The following WDR44 variants were observed in gnomAD, a reference collection of about 807,000 sequenced individuals.
WDR44 encodes WD repeat-containing protein 44.
Under a neutral mutation model 65.7 loss-of-function variants are expected in WDR44, and 9 were observed. The ratio of observed to expected loss-of-function variants is 0.14; its 90% CI spans 0.08 to 0.24. WDR44 has a LOEUF of 0.24. Ranked by LOEUF, WDR44 falls within the 10% of genes least tolerant of loss-of-function variation. WDR44 has a pLI of 1.00. For missense variants in WDR44, 425 were observed against 670.9 expected, an observed-to-expected ratio of 0.63 and a Z score of 4.05; for synonymous variants, 220 against 235.2, an observed-to-expected ratio of 0.94 and a Z score of 0.59.
At chrX:118,399,806 G>A (rs1465292354) in intron 8 of WDR44, among the ~76,000 whole-genome samples, 1 of 111,743 alleles carries the variant, frequency 8.9e-6, no homozygotes, top group East Asian at 2.8e-4. Flanking sequence ...CATAATATAG[G>A]TGGGTGCAGT....
intron 1 of WDR44, among the ~76,000 whole-genome samples, chrX:118,370,832 C>A (rs1256881352): frequency 9.1e-6 from 1 of 109,931 alleles, no homozygotes; most frequent in Non-Finnish European, 1.9e-5. Context: ...TCCACCCGCC[C>A]CATCCTCCCA....
At chrX:118,387,092 G>A (rs1217670078) in intron 2 of WDR44, among the ~76,000 whole-genome samples, 3 of 102,962 alleles carry the variant, frequency 2.9e-5, no homozygotes, top group African/African-American at 1.1e-4. Flanking sequence ...TGAGGCAGGA[G>A]AATCACTTGA....
At chrX:118,352,352 A>ATATTTTTTTTTT (rs1357425730) in intron 1 of WDR44, among the ~76,000 whole-genome samples, 2 of 14,224 alleles carry the variant, frequency 1.4e-4, no homozygotes, top group African/African-American at 7.4e-4. Context: ...ATATATATAT[A>ATATTTTTTTTTT]TTTTTTTTTT....
At chrX:118,438,522 TC>T (rs1156984178) in intron 14 of WDR44, among the ~76,000 whole-genome samples, 25 of 111,162 alleles carry the variant, frequency 2.2e-4, no homozygotes, top group African/African-American at 8.2e-4. Flanking sequence ...AGCCTCAACT[TC>T]CCTGGCTCGG....
intron 8 of WDR44, among the ~76,000 whole-genome samples, chrX:118,402,540 GA>G (rs1368472345): frequency 9.2e-6 from 1 of 108,623 alleles, no homozygotes; most frequent in Non-Finnish European, 1.9e-5. Flanking sequence ...TTGAGTCCAG[GA>G]GTTCAAGACC....
chrX:118,439,346 C>G (rs994482483), intron 14 of WDR44, among the ~76,000 whole-genome samples: 1 of 108,115 alleles, frequency 9.2e-6, no homozygotes. Context: ...GAGGCCGAGG[C>G]GGGTGGATCA....
chrX:118,446,041 A>G (rs1383952954), intron 19 of WDR44, among the ~76,000 whole-genome samples: 1 of 108,648 alleles, frequency 9.2e-6, no homozygotes, highest in African/African-American at 3.4e-5. Flanking sequence ...AAAAGAAAAA[A>G]AAAAAAAAAA....
chrX:118,440,795 C>T (rs1187649837), intron 14 of WDR44, among the ~76,000 whole-genome samples: 1 of 111,218 alleles, frequency 9.0e-6, no homozygotes, highest in African/African-American at 3.3e-5. Flanking sequence ...AACACTTTAT[C>T]TATTGACATC....
intron 3 of WDR44, among the ~76,000 whole-genome samples, chrX:118,390,454 A>G (rs867671825): frequency 2.7e-5 from 3 of 111,785 alleles, no homozygotes; most frequent in Non-Finnish European, 3.8e-5. Context: ...GAGCTAGCCT[A>G]TATACAGCTC....
At chrX:118,394,863 ACT>A (rs1434615100) in intron 5 of WDR44, among the ~76,000 whole-genome samples, 2 of 111,381 alleles carry the variant, frequency 1.8e-5, no homozygotes, top group African/African-American at 6.5e-5. Context: ...TGTGACAGAG[ACT>A]CTATATGAAC....
chrX:118,422,243 A>G (rs79132149), intron 12 of WDR44, among the ~76,000 whole-genome samples: 1 of 109,680 alleles, frequency 9.1e-6, no homozygotes, highest in Admixed American at 9.9e-5. Flanking sequence ...AAAAAAAAAA[A>G]ATATATAGCC....
chrX:118,416,953 C>G (rs758572224), intron 12 of WDR44, among the ~76,000 whole-genome samples: 7 of 112,057 alleles, frequency 6.2e-5, no homozygotes, highest in Non-Finnish European at 1.3e-4. Context: ...CCCTCTTTGT[C>G]TCTTTTAAAT....
At chrX:118,438,400 G>A (rs931916081) in intron 14 of WDR44, among the ~76,000 whole-genome samples, 7 of 78,495 alleles carry the variant, frequency 8.9e-5, no homozygotes, top group African/African-American at 5.9e-4. Context: ...GGTTGTGTTC[G>A]TTTTCTTTCT....
intron 1 of WDR44, among the ~76,000 whole-genome samples, chrX:118,358,167 A>C (rs940046191): frequency 7.1e-5 from 8 of 112,432 alleles, no homozygotes; most frequent in African/African-American, 2.6e-4. Context: ...TTTGGCCTTT[A>C]GATTAATTCA....
At chrX:118,417,500 A>C (rs1188444511) in intron 12 of WDR44, among the ~76,000 whole-genome samples, 1 of 111,849 alleles carries the variant, frequency 8.9e-6, no homozygotes, top group Non-Finnish European at 1.9e-5. Context: ...GAGGAGGCTG[A>C]AGATAGGGCC....
intron 12 of WDR44, among the ~76,000 whole-genome samples, chrX:118,424,815 C>T (rs939272200): frequency 3.6e-5 from 4 of 111,276 alleles, no homozygotes; most frequent in African/African-American, 1.3e-4. Flanking sequence ...CTGTTTTCTT[C>T]TAGGAGTTTT....
chrX:118,439,226 G>T (rs186968672), intron 14 of WDR44, among the ~76,000 whole-genome samples: 144 of 109,932 alleles, frequency 1.3e-3, no homozygotes, highest in Non-Finnish European at 2.2e-3. Context: ...TTTTGGGGGG[G>T]AAATATGACT....
intron 1 of WDR44, among the ~76,000 whole-genome samples, chrX:118,349,870 G>A (rs1312308913): frequency 8.9e-6 from 1 of 111,802 alleles, no homozygotes; most frequent in African/African-American, 3.3e-5. Context: ...ACTCAGAGAC[G>A]GTTAAGTGAA....
intron 6 of WDR44, 24 bp from the exon 7 acceptor site, chrX:118,396,946 A>G: frequency 8.7e-7 from 1 of 1,143,432 alleles, no homozygotes; most frequent in Non-Finnish European, 1.2e-6. Flanking sequence ...TCTTGGTGTG[A>G]TTGTTTTTTT....
Sources: allele counts gnomAD v4.1 joint callset (sites outside exome capture counted in the v4.1 genomes callset), GRCh38; gene constraint gnomAD v4.1.1; transcripts MANE v1.5; gene names NCBI Gene and HGNC (gene_info 2026-07-23, HGNC 2026-07-21).